ZDHHC17: variants seen among roughly 807,000 people sequenced by gnomAD.
ZDHHC17 encodes the protein palmitoyltransferase ZDHHC17.
Under a neutral mutation model 90.3 loss-of-function variants are expected in ZDHHC17, and 40 were observed. The ratio of observed to expected loss-of-function variants is 0.44; its 90% confidence interval spans 0.34 to 0.58. The LOEUF is 0.58. ZDHHC17 is among the 20% of genes least tolerant of loss of function. The pLI, the probability that ZDHHC17 is intolerant of heterozygous loss-of-function variation, is 0.01. For synonymous variants in ZDHHC17, 235 were observed against 252.4 expected (o/e 0.93, Z 0.65); for missense variants, 614 against 780.8 (o/e 0.79, Z 2.55).
intron 10 of ZDHHC17, among the ~76,000 whole-genome samples, chr12:76,830,337 T>C (rs950994312): frequency 2.6e-5 from 4 of 152,212 alleles, no homozygotes; most frequent in African/African-American, 9.6e-5. Flanking sequence ...ACACAAAATG[T>C]GCTTATTTTA....
chr12:76,853,240 T>G lies in ZDHHC17; in HGVS notation c.*2255T>G, dbSNP rs1365056742. 1 of 152,280 alleles carries G rather than the reference T, an allele frequency of 6.6e-6. No homozygotes were observed. Among genetic ancestry groups the G allele is most frequent in the Non-Finnish European group, 1.5e-5 (1 of 67,996 alleles). The allele number at this position is 152,280 out of a possible 1,614,324, so 9.4% of individuals were successfully genotyped here. ...CTATAACTCAGAAATGGTCAGATGGTCAGGAGCCAGCTATGCAGCAGTATA... is the reference window on the plus strand; with the variant it reads ...CTATAACTCAGAAATGGTCAGATGGGCAGGAGCCAGCTATGCAGCAGTATA... On this transcript the variant is annotated 3_prime_UTR_variant, in exon 17 of 17. Transcript: ENST00000426126.
At chr12:76,798,982 C>A (rs1430891805) in intron 2 of ZDHHC17, among the ~76,000 whole-genome samples, 1 of 152,152 alleles carries the variant, frequency 6.6e-6, no homozygotes, top group Non-Finnish European at 1.5e-5. Context: ...GGACACAGAT[C>A]CAAACCATGT....
intron 3 of ZDHHC17, among the ~76,000 whole-genome samples, chr12:76,806,494 C>T (rs1952954951): frequency 6.6e-6 from 1 of 152,044 alleles, no homozygotes; most frequent in African/African-American, 2.4e-5. Context: ...GAAATATAGG[C>T]CTGCGCCTAT....
intron 9 of ZDHHC17, 78 bp downstream of exon 9, chr12:76,827,128 T>C (rs1953239346): frequency 7.2e-7 from 1 of 1,390,896 alleles, no homozygotes; most frequent in African/African-American, 1.5e-5. Flanking sequence ...AAATTAATGT[T>C]TGTATGTTGT....
At chr12:76,815,584 T>C (rs1157774584) in intron 6 of ZDHHC17, among the ~76,000 whole-genome samples, 1 of 151,870 alleles carries the variant, frequency 6.6e-6, no homozygotes, top group Non-Finnish European at 1.5e-5. Context: ...TGTATAAGTA[T>C]TAATGCCATT....
Position 76,851,546 on chromosome 12 carries a change from A to T in ZDHHC17, c.*561A>T, listed in dbSNP as rs1953568172. 6.5e-6 allele frequency: 1 copy of T among 152,922 alleles called. No individual in the cohort carries two copies. The highest frequency in any genetic ancestry group is 1.5e-5 in the Non-Finnish European group (1 of 68,228). The allele number at this position is 152,922 out of a possible 1,614,324, so 9.5% of individuals were successfully genotyped here. A position where few individuals can be genotyped will look rare whatever the true frequency, so the allele number is the denominator to read the frequency against. On this transcript the variant is annotated 3_prime_UTR_variant, in exon 17 of 17. Coordinates refer to ENST00000426126, the MANE Select transcript of ZDHHC17 (RefSeq NM_015336.4). ...AAAGGCAGGAGAAAATAATGTTCACAATAAAATGTGCTAACAATGTTTTGT... is the reference window on the plus strand; with the variant it reads ...AAAGGCAGGAGAAAATAATGTTCACTATAAAATGTGCTAACAATGTTTTGT...
At chr12:76,840,620 T>TA (rs1408860598) in intron 10 of ZDHHC17, 1 of 152,092 alleles carries the variant, frequency 6.6e-6, no homozygotes, top group Non-Finnish European at 1.5e-5. Flanking sequence ...GGATTACAGG[T>TA]GTAAGCCACT....
chr12:76,819,898 C>T (rs145276137), intron 7 of ZDHHC17, among the ~76,000 whole-genome samples: 2,522 of 150,620 alleles, frequency 0.017, 84 homozygotes, highest in African/African-American at 0.058. Flanking sequence ...GAGGCTGAGG[C>T]AGGAGAATTG....
intron 1 of ZDHHC17, among the ~76,000 whole-genome samples, chr12:76,766,443 C>T (rs1952432331): frequency 1.3e-5 from 2 of 152,212 alleles, no homozygotes; most frequent in Non-Finnish European, 2.9e-5. Context: ...GTTCTAGTTT[C>T]ATCATTTATA....
chr12:76,836,635 T>G (rs1042820108), intron 10 of ZDHHC17, among the ~76,000 whole-genome samples: 4 of 152,212 alleles, frequency 2.6e-5, no homozygotes, highest in Admixed American at 2.6e-4. Flanking sequence ...ACATTTAAGT[T>G]TAAAAAGTAA....
chr12:76,833,806 A>G (rs959401329), intron 10 of ZDHHC17, among the ~76,000 whole-genome samples: 1 of 152,148 alleles, frequency 6.6e-6, no homozygotes, highest in Non-Finnish European at 1.5e-5. Flanking sequence ...AAAATAATAA[A>G]TAAAAATAAA....
intron 2 of ZDHHC17, 51 bp from the exon 3 acceptor site, chr12:76,805,265 CT>C (rs1952941902): frequency 6.9e-7 from 1 of 1,441,418 alleles, no homozygotes; most frequent in Non-Finnish European, 9.5e-7. Context: ...TTATTTTTAA[CT>C]TTACATTTCT....
intron 1 of ZDHHC17, among the ~76,000 whole-genome samples, chr12:76,773,737 T>C (rs533993334): frequency 1.4e-3 from 206 of 152,316 alleles, no homozygotes; most frequent in Non-Finnish European, 2.0e-3. Context: ...ACTTATTTTT[T>C]ACAATATAGT....
chr12:76,805,256 T>C, intron 2 of ZDHHC17, 61 bp from the exon 3 acceptor site: 3 of 1,404,578 alleles, frequency 2.1e-6, no homozygotes, highest in South Asian at 2.6e-5. Context: ...CTCAAAATGT[T>C]ATTTTTAACT....
intron 1 of ZDHHC17, among the ~76,000 whole-genome samples, chr12:76,775,855 T>G (rs894271777): frequency 1.3e-5 from 2 of 152,148 alleles, no homozygotes; most frequent in Non-Finnish European, 2.9e-5. Context: ...CTATGTTCTT[T>G]CACTGAAATT....
intron 5 of ZDHHC17, among the ~76,000 whole-genome samples, 177 bp downstream of exon 5, chr12:76,810,034 G>C (rs1953000845): frequency 6.6e-6 from 1 of 152,140 alleles, no homozygotes; most frequent in Admixed American, 6.6e-5. Context: ...ATAAAAGCCA[G>C]CATGAAAATC....
chr12:76,777,920 A>G (rs1216915475), intron 1 of ZDHHC17, among the ~76,000 whole-genome samples: 1 of 152,152 alleles, frequency 6.6e-6, no homozygotes, highest in East Asian at 1.9e-4. Flanking sequence ...TTAAGGAAGG[A>G]TGCGGGGAGC....
intron 1 of ZDHHC17, chr12:76,769,002 A>C (rs1395828429): frequency 3.9e-6 from 1 of 255,452 alleles, no homozygotes; most frequent in African/African-American, 2.3e-5. Flanking sequence ...AAATCAAACT[A>C]TTGCTATTAT....
intron 10 of ZDHHC17, among the ~76,000 whole-genome samples, chr12:76,835,387 T>G (rs1243939195): frequency 6.6e-6 from 1 of 152,198 alleles, no homozygotes; most frequent in Non-Finnish European, 1.5e-5. Flanking sequence ...CTATTTGAGC[T>G]GTAGATTAAT....
Sources: gnomAD v4.1 joint callset for allele counts (sites outside exome capture counted in the v4.1 genomes callset) on GRCh38, gnomAD v4.1.1 for gene constraint, MANE v1.5 for transcripts, NCBI Gene and HGNC (gene_info 2026-07-23, HGNC 2026-07-21) for gene names.